The following CD72 variants were observed in gnomAD, a reference collection of about 807,000 sequenced individuals.
CD72 encodes B-cell differentiation antigen CD72.
In CD72, 28 loss-of-function variants were observed where a neutral mutation model predicts 50.7. The observed-to-expected ratio is 0.55, with a 90% CI of 0.41 to 0.76. The LOEUF (loss-of-function observed/expected upper bound fraction) is 0.76, where lower values mean the gene tolerates loss of function less well. CD72 is among the 30% of genes least tolerant of loss of function. CD72 has a pLI of 0.00. For missense variants in CD72, 403 were observed against 420.6 expected (o/e 0.96, Z 0.37); for synonymous variants, 176 against 171.2 (o/e 1.03, Z -0.22).
intron 5 of CD72, among the ~76,000 whole-genome samples, chr9:35,615,698 T>C (rs573966639): frequency 1.3e-5 from 2 of 150,948 alleles, no homozygotes; most frequent in African/African-American, 4.9e-5. Context: ...TGATTTGGAC[T>C]GCTGGCTGCC....
chr9:35,610,504 A>G (rs1414017107), intron 8 of CD72, 98 bp downstream of exon 8: 2 of 901,932 alleles, frequency 2.2e-6, no homozygotes, highest in African/African-American at 1.7e-5. Context: ...CCCAGGTACA[A>G]GTTTTCTCTC....
intron 1 of CD72, among the ~76,000 whole-genome samples, chr9:35,635,974 T>C (rs1206061614): frequency 6.6e-6 from 1 of 152,122 alleles, no homozygotes; most frequent in Non-Finnish European, 1.5e-5. Flanking sequence ...CCAAAACACT[T>C]AAAGCCAGGA....
At chr9:35,634,584 C>T (rs567966137) in intron 1 of CD72, among the ~76,000 whole-genome samples, 4 of 152,322 alleles carry the variant, frequency 2.6e-5, no homozygotes, top group Middle Eastern at 3.4e-3. Context: ...AACTCCTGAC[C>T]TCAGGTGATC....
intron 8 of CD72, 71 bp from the exon 9 acceptor site, chr9:35,610,371 C>G (rs909359591): frequency 2.3e-6 from 1 of 430,662 alleles, no homozygotes; most frequent in Non-Finnish European, 4.2e-6. Context: ...ACCCCATCTC[C>G]TCCTCAGCTC....
At chr9:35,611,119 T>C (rs750866063) in intron 7 of CD72, among the ~76,000 whole-genome samples, 3 of 151,756 alleles carry the variant, frequency 2.0e-5, no homozygotes, top group East Asian at 1.9e-4. Flanking sequence ...GGCATGGCGG[T>C]GTGCGCCTGT....
chr9:35,612,077 G>A (rs1322484122), intron 6 of CD72, among the ~76,000 whole-genome samples, 158 bp from the exon 7 acceptor site: 1 of 152,242 alleles, frequency 6.6e-6, no homozygotes, highest in African/African-American at 2.4e-5. Context: ...CCACCCTGCA[G>A]ATGCAGGCTC....
intron 1 of CD72, among the ~76,000 whole-genome samples, chr9:35,641,015 A>G (rs1382115499): frequency 6.6e-6 from 1 of 152,202 alleles, no homozygotes; most frequent in African/African-American, 2.4e-5. Context: ...TCACCTTCCC[A>G]GCTACGCTTA....
chr9:35,611,579 T>C (rs1822985553), intron 7 of CD72, among the ~76,000 whole-genome samples: 1 of 152,092 alleles, frequency 6.6e-6, no homozygotes, highest in Non-Finnish European at 1.5e-5. Context: ...TAGTAGTTAC[T>C]GAAACAAAAA....
chr9:35,613,768 C>T (rs1449830228), intron 5 of CD72, among the ~76,000 whole-genome samples: 1 of 152,040 alleles, frequency 6.6e-6, no homozygotes. Flanking sequence ...TTTGGGAGGC[C>T]GAGGCGGGGT....
rs148260139 is a variant in CD72 at position 35,613,348 on chromosome 9, C to T, written c.689-355G>A. 9.2e-5 allele frequency among the ~76,000 whole-genome samples: 14 copies of T among 152,232 alleles called. No individual in the cohort carries two copies. The East Asian group carries it at 1.2e-3, about 13-fold the overall frequency. On this transcript the variant is annotated intron_variant, in intron 5 of 8. Transcript: ENST00000259633. ...ACCCCTCACTGCACATCCTCCACTC[C>T]TCCAGCACTGGCCCCCTCCGTCCCT...
Position 35,610,758 on chromosome 9 carries a change from A to G in CD72, c.951-5T>C. On this transcript the variant is annotated splice_region_variant and splice_polypyrimidine_tract_variant and intron_variant, in intron 7 of 8. Coordinates refer to ENST00000259633, the MANE Select transcript of CD72 (RefSeq NM_001782.3). ...TTTGAGCTTTGAGCATAAGTCCTAAAAAGTAGTAAGGTAGAGCTGGGATAT... is the reference window on the plus strand; with the variant it reads ...TTTGAGCTTTGAGCATAAGTCCTAAGAAGTAGTAAGGTAGAGCTGGGATAT... The G allele has an allele frequency of 2.5e-6, 4 of 1,610,284 alleles. No individual in the cohort carries two copies. The highest frequency in any genetic ancestry group is 3.4e-6 in the Non-Finnish European group (4 of 1,178,148).
intron 1 of CD72, among the ~76,000 whole-genome samples, chr9:35,628,101 C>A (rs1382458057): frequency 6.6e-6 from 1 of 152,128 alleles, no homozygotes; most frequent in African/African-American, 2.4e-5. Flanking sequence ...TCCCAAAGTA[C>A]TGAAATTACA....
At chr9:35,632,990 G>A (rs1823260204) in intron 1 of CD72, among the ~76,000 whole-genome samples, 1 of 150,086 alleles carries the variant, frequency 6.7e-6, no homozygotes, top group African/African-American at 2.5e-5. Context: ...GAGTGCAGTG[G>A]TGCAATCTCA....
At chr9:35,634,144 CT>C (rs1229785485) in intron 1 of CD72, among the ~76,000 whole-genome samples, 2 of 151,606 alleles carry the variant, frequency 1.3e-5, no homozygotes, top group African/African-American at 4.8e-5. Context: ...GTTAACTCTT[CT>C]TTTTTTTAAT....
intron 1 of CD72, among the ~76,000 whole-genome samples, chr9:35,629,141 T>C (rs1056419379): frequency 2.6e-5 from 4 of 152,130 alleles, no homozygotes; most frequent in Non-Finnish European, 5.9e-5. Flanking sequence ...CCTCCCAAAG[T>C]ACTGGAATTA....
intron 1 of CD72, among the ~76,000 whole-genome samples, chr9:35,636,819 T>A (rs944243612): frequency 6.6e-6 from 1 of 152,210 alleles, no homozygotes; most frequent in African/African-American, 2.4e-5. Context: ...CTGAGGTCCC[T>A]GTCAGGCCTC....
chr9:35,638,081 G>T (rs1050629082), intron 1 of CD72, among the ~76,000 whole-genome samples: 2 of 152,098 alleles, frequency 1.3e-5, no homozygotes, highest in African/African-American at 4.8e-5. Flanking sequence ...CTGTCAATTT[G>T]TCTATCCTAC....
chr9:35,618,745 G>A (rs1823108169), upstream of CD72: 2 of 1,282,862 alleles, frequency 1.6e-6, no homozygotes, highest in Non-Finnish European at 2.0e-6. Flanking sequence ...CACTGACCCA[G>A]ACGATCTCCC....
chr9:35,616,676 G>A lies in CD72; in HGVS notation c.276C>T (p.Cys92=), dbSNP rs900348129. 1 of 1,613,564 alleles carries A rather than the reference G, an allele frequency of 6.2e-7. No homozygotes were observed. The highest frequency in any genetic ancestry group is 8.5e-7 in the Non-Finnish European group (1 of 1,179,936). Residue 92 remains cysteine, a synonymous_variant, in exon 4 of 9, where the codon TGC becomes TGT. Coordinates refer to ENST00000259633, the MANE Select transcript of CD72 (RefSeq NM_001782.3). ...VGRILPCRTT[C]LRYLLLGLLL... is the part of the protein sequence containing the mutation. ...GCAGGCCGAGCAGGAGGTATCGCAG[G>A]CAGGTTGTGCGGCCTTAGGGGGACA...
Sources: allele counts gnomAD v4.1 joint callset (sites outside exome capture counted in the v4.1 genomes callset), GRCh38; gene constraint gnomAD v4.1.1; transcripts MANE v1.5; gene names NCBI Gene and HGNC (gene_info 2026-07-23, HGNC 2026-07-21).